The following RABGAP1L variants were observed in gnomAD, a reference collection of about 807,000 sequenced individuals.
RABGAP1L encodes RAB GTPase activating protein 1 like.
In RABGAP1L, 63 loss-of-function variants were observed where a neutral mutation model predicts 137.7. The ratio of observed to expected loss-of-function variants is 0.46; its 90% CI spans 0.37 to 0.56. The LOEUF (loss-of-function observed/expected upper bound fraction) is 0.56, where lower values mean the gene tolerates loss of function less well. Among genes scored for constraint, RABGAP1L ranks in the 20% least tolerant of loss-of-function variants. The pLI, the probability that RABGAP1L is intolerant of heterozygous loss-of-function variation, is 0.00. For missense variants in RABGAP1L, 1,095 were observed against 1,244.0 expected (o/e 0.88, Z 1.80); for synonymous variants, 431 against 433.7 (o/e 0.99, Z 0.08).
intron 3 of RABGAP1L, among the ~76,000 whole-genome samples, chr1:174,226,552 G>C (rs1670196208): frequency 6.6e-6 from 1 of 152,130 alleles, no homozygotes; most frequent in Admixed American, 6.6e-5. Flanking sequence ...CAATAATCTT[G>C]AGTCTGTTTT....
chr1:174,508,502 T>TTA (rs1475099323), intron 13 of RABGAP1L, among the ~76,000 whole-genome samples: 23 of 152,204 alleles, frequency 1.5e-4, no homozygotes, highest in Admixed American at 1.4e-3. Flanking sequence ...TGATTGCTTT[T>TTA]TAGCTAAATG....
At chr1:174,385,981 G>A (rs1361366267) in intron 12 of RABGAP1L, among the ~76,000 whole-genome samples, 1 of 152,084 alleles carries the variant, frequency 6.6e-6, no homozygotes, top group Non-Finnish European at 1.5e-5. Flanking sequence ...GGGCAATATA[G>A]CATGTTTGTA....
At chr1:174,241,195 C>T (rs1423639671) in intron 4 of RABGAP1L, among the ~76,000 whole-genome samples, 4 of 151,980 alleles carry the variant, frequency 2.6e-5, no homozygotes, top group African/African-American at 9.7e-5. Flanking sequence ...TGGCAGGCAC[C>T]TGTTATCCCA....
chr1:174,945,944 CTT>C (rs899450031), intron 19 of RABGAP1L: 2 of 151,766 alleles, frequency 1.3e-5, no homozygotes, highest in African/African-American at 4.8e-5. Context: ...CCTCTTAAGA[CTT>C]TATGGAATTT....
intron 13 of RABGAP1L, among the ~76,000 whole-genome samples, chr1:174,417,067 T>C (rs1389487547): frequency 6.6e-6 from 1 of 152,156 alleles, no homozygotes; most frequent in African/African-American, 2.4e-5. Flanking sequence ...TAGGAAGGTT[T>C]TTGGCATTAC....
intron 20 of RABGAP1L, chr1:174,964,809 A>C (rs1442864614): frequency 5.1e-6 from 7 of 1,383,900 alleles, no homozygotes; most frequent in Non-Finnish European, 3.7e-6. Flanking sequence ...CACAGAGAGA[A>C]CTTAGAGTTA....
intron 11 of RABGAP1L, among the ~76,000 whole-genome samples, chr1:174,345,008 A>G (rs1682312786): frequency 6.6e-6 from 1 of 152,174 alleles, no homozygotes; most frequent in African/African-American, 2.4e-5. Flanking sequence ...GCATATGGAT[A>G]TTCAATTTTC....
chr1:174,613,561 T>C (rs1000609207), intron 13 of RABGAP1L, among the ~76,000 whole-genome samples: 11 of 152,204 alleles, frequency 7.2e-5, no homozygotes, highest in African/African-American at 2.7e-4. Flanking sequence ...GTTCTGCAGA[T>C]GGCTGTTAGG....
chr1:174,423,057 T>C (rs1651529574), intron 13 of RABGAP1L, among the ~76,000 whole-genome samples: 1 of 152,132 alleles, frequency 6.6e-6, no homozygotes, highest in Non-Finnish European at 1.5e-5. Context: ...TATAATTTCA[T>C]TTAACCTTTC....
At chr1:174,624,555 T>C (rs1387609293) in intron 13 of RABGAP1L, among the ~76,000 whole-genome samples, 1 of 152,162 alleles carries the variant, frequency 6.6e-6, no homozygotes, top group East Asian at 1.9e-4. Flanking sequence ...AGTATATTAT[T>C]CAAATATATG....
At chr1:174,282,034 C>G (rs1020037853) in intron 10 of RABGAP1L, among the ~76,000 whole-genome samples, 1 of 152,104 alleles carries the variant, frequency 6.6e-6, no homozygotes, top group Non-Finnish European at 1.5e-5. Flanking sequence ...AATGTTATTC[C>G]TTTGTATAGC....
At chr1:174,782,141 A>G (rs962666426) in intron 18 of RABGAP1L, among the ~76,000 whole-genome samples, 7 of 152,146 alleles carry the variant, frequency 4.6e-5, no homozygotes, top group African/African-American at 1.2e-4. Context: ...CACTGAATCT[A>G]TAAATTACCT....
chr1:174,777,615 A>T (rs934733675), intron 18 of RABGAP1L, among the ~76,000 whole-genome samples: 1 of 152,248 alleles, frequency 6.6e-6, no homozygotes, highest in Non-Finnish European at 1.5e-5. Context: ...TCTAGATTTT[A>T]TAATTGGCAG....
chr1:174,688,256 T>A (rs1295076342), intron 15 of RABGAP1L, among the ~76,000 whole-genome samples: 1 of 152,090 alleles, frequency 6.6e-6, no homozygotes, highest in Non-Finnish European at 1.5e-5. Flanking sequence ...TTTTAGATAA[T>A]TTGTAACCCA....
At chr1:174,814,576 T>C (rs1309200751) in intron 19 of RABGAP1L, among the ~76,000 whole-genome samples, 1 of 152,214 alleles carries the variant, frequency 6.6e-6, no homozygotes, top group African/African-American at 2.4e-5. Flanking sequence ...CCAAGACCTA[T>C]ATTTTGGTTG....
intron 13 of RABGAP1L, among the ~76,000 whole-genome samples, chr1:174,522,393 A>G (rs1191879883): frequency 1.3e-5 from 2 of 152,128 alleles, no homozygotes; most frequent in East Asian, 1.9e-4. Flanking sequence ...CCTAGGCTAT[A>G]TGGCGAAACC....
At chr1:174,286,255 G>A (rs568168545) in intron 10 of RABGAP1L, among the ~76,000 whole-genome samples, 2 of 152,166 alleles carry the variant, frequency 1.3e-5, no homozygotes, top group South Asian at 4.2e-4. Context: ...TTCTTTATTG[G>A]TCTGTTCAGA....
intron 13 of RABGAP1L, among the ~76,000 whole-genome samples, chr1:174,412,157 C>T (rs1186908880): frequency 7.9e-5 from 12 of 151,824 alleles, no homozygotes; most frequent in East Asian, 1.9e-4. Flanking sequence ...CAAACTTGGG[C>T]GTGTATATAT....
intron 13 of RABGAP1L, among the ~76,000 whole-genome samples, chr1:174,443,791 T>G (rs1206687585): frequency 1.3e-5 from 2 of 152,134 alleles, no homozygotes; most frequent in Non-Finnish European, 2.9e-5. Context: ...AGTGTTTTCT[T>G]GTATTAGCTG....
Sources: gnomAD v4.1 joint callset for allele counts (sites outside exome capture counted in the v4.1 genomes callset) on GRCh38, gnomAD v4.1.1 for gene constraint, MANE v1.5 for transcripts, NCBI Gene and HGNC (gene_info 2026-07-23, HGNC 2026-07-21) for gene names.